Variants in PI4K2B observed in about 807,000 individuals in gnomAD.
PI4K2B encodes phosphatidylinositol 4-kinase type 2-beta.
A neutral mutation model predicts 56.6 loss-of-function variants in PI4K2B; 46 were observed. The ratio of observed to expected loss-of-function variants is 0.81; its 90% CI spans 0.64 to 1.04. PI4K2B has a LOEUF of 1.04. Ranked by LOEUF, PI4K2B falls within the 50% of genes least tolerant of loss-of-function variation. PI4K2B has a pLI of 0.00. For missense variants in PI4K2B, 556 were observed against 607.7 expected, an observed-to-expected ratio of 0.91 and a Z score of 0.89; for synonymous variants, 211 against 223.8, an observed-to-expected ratio of 0.94 and a Z score of 0.51.
chr4:25,259,869 G>A (rs547497802), intron 5 of PI4K2B, among the ~76,000 whole-genome samples: 2 of 152,264 alleles, frequency 1.3e-5, no homozygotes, highest in Non-Finnish European at 2.9e-5. Flanking sequence ...GTGGGTCCCT[G>A]GACTGTCAGG....
At chr4:25,247,041 G>T (rs12501759) in intron 1 of PI4K2B, among the ~76,000 whole-genome samples, 1 of 152,104 alleles carries the variant, frequency 6.6e-6, no homozygotes, top group Non-Finnish European at 1.5e-5. Flanking sequence ...TTTGGCCTTC[G>T]CCAGCCCAGA....
intron 1 of PI4K2B, among the ~76,000 whole-genome samples, chr4:25,238,655 C>T (rs527882544): frequency 6.6e-6 from 1 of 152,106 alleles, no homozygotes; most frequent in African/African-American, 2.4e-5. Flanking sequence ...TAAGCTGGCG[C>T]GTCTGGAGTT....
At chr4:25,275,475 G>T (rs975826695) in intron 9 of PI4K2B, among the ~76,000 whole-genome samples, 23 of 152,008 alleles carry the variant, frequency 1.5e-4, no homozygotes, top group African/African-American at 4.6e-4. Flanking sequence ...ACCAGTCTGG[G>T]CAACAAAGCG....
At chr4:25,254,295 C>T (rs1275401394) in intron 2 of PI4K2B, 5 of 335,792 alleles carry the variant, frequency 1.5e-5, no homozygotes, top group Non-Finnish European at 2.1e-5. Flanking sequence ...TTAGAATGTA[C>T]ATTAATGTGG....
chr4:25,261,746 A>G (rs200102123), intron 6 of PI4K2B, among the ~76,000 whole-genome samples: 1 of 144,118 alleles, frequency 6.9e-6, no homozygotes, highest in South Asian at 2.2e-4. Flanking sequence ...TTTATATTTA[A>G]AAATTAGAAA....
chr4:25,250,065 G>A (rs1449608043), intron 1 of PI4K2B, among the ~76,000 whole-genome samples: 3 of 152,166 alleles, frequency 2.0e-5, no homozygotes, highest in Non-Finnish European at 4.4e-5. Flanking sequence ...CAAAAAATAC[G>A]AAAACCAGTC....
chr4:25,270,868 AT>A (rs1265022572), intron 9 of PI4K2B, among the ~76,000 whole-genome samples: 4 of 152,246 alleles, frequency 2.6e-5, no homozygotes, highest in African/African-American at 9.6e-5. Context: ...TCTTCCTAAA[AT>A]ATACATTTAA....
chr4:25,239,842 C>A (rs1198167285), intron 1 of PI4K2B, among the ~76,000 whole-genome samples: 2 of 152,226 alleles, frequency 1.3e-5, no homozygotes, highest in Non-Finnish European at 2.9e-5. Context: ...GGGAATTTGG[C>A]CAATGACTGC....
Position 25,255,195 on chromosome 4 carries a change from G to T in PI4K2B, c.554G>T (p.Gly185Val). 6.2e-7 allele frequency: 1 copy of T among 1,613,998 alleles called. No homozygotes were observed. The highest frequency in any genetic ancestry group is 8.5e-7 in the Non-Finnish European group (1 of 1,179,928). ...CGAGGCTGCCTGATTCCTAATCAGG[G>T]GTACCTTTCCGAAGCGGGTGCCTAT... Reference protein sequence around the residue: ...FGRGCLIPNQGYLSEAGAYLV... With the variant: ...FGRGCLIPNQVYLSEAGAYLV... The change falls in exon 3 of 10, where the codon GGG becomes GTG. Residue 185 changes from glycine to valine, a missense_variant. Gly to Val is a moderately radical substitution (Grantham distance 109). Transcript: ENST00000264864.
chr4:25,268,547 T>A lies in PI4K2B; in HGVS notation c.1183T>A (p.Leu395Ile), dbSNP rs750236546. The A allele has an allele frequency of 1.0e-5, 16 of 1,588,226 alleles. No homozygotes were observed. The South Asian group carries it at 1.7e-4, about 17-fold the overall frequency. The change falls in exon 8 of 10, where the codon TTA becomes ATA. Residue 395 changes from leucine to isoleucine, a missense_variant. Leu to Ile is a conservative substitution (Grantham distance 5). Coordinates refer to ENST00000264864, the MANE Select transcript of PI4K2B (RefSeq NM_018323.4). Reference protein sequence around the residue: ...YISDMNFVQDLCEDLYELFKT... With the variant: ...YISDMNFVQDICEDLYELFKT... ...TTCTGACATGAACTTTGTGCAAGAT[T>A]TATGTGAAGATCTCTATGAACTTTT...
intron 1 of PI4K2B, chr4:25,250,623 T>C (rs1716012356): frequency 6.6e-6 from 1 of 152,246 alleles, no homozygotes; most frequent in Non-Finnish European, 1.5e-5. Context: ...TGAAATAATC[T>C]GTACAACAAA....
intron 9 of PI4K2B, 57 bp from the exon 10 acceptor site, chr4:25,276,957 A>G: frequency 6.8e-7 from 1 of 1,467,622 alleles, no homozygotes; most frequent in Non-Finnish European, 9.1e-7. Flanking sequence ...AAAAAATGTC[A>G]GTGAAGTGAA....
chr4:25,268,668 T>A, intron 8 of PI4K2B, 92 bp downstream of exon 8: 1 of 826,790 alleles, frequency 1.2e-6, no homozygotes, highest in Non-Finnish European at 1.8e-6. Context: ...TTTCTATTTC[T>A]TGTATTGCTG....
At chr4:25,274,086 G>A (rs1202170367) in intron 9 of PI4K2B, among the ~76,000 whole-genome samples, 3 of 152,084 alleles carry the variant, frequency 2.0e-5, no homozygotes, top group Non-Finnish European at 4.4e-5. Context: ...GAATATGCTG[G>A]TGTCACATTT....
At chr4:25,244,148 A>T (rs928102295) in intron 1 of PI4K2B, among the ~76,000 whole-genome samples, 6 of 152,182 alleles carry the variant, frequency 3.9e-5, no homozygotes, top group Non-Finnish European at 8.8e-5. Context: ...ATCTGCTTTA[A>T]ATCAGAGAGG....
chr4:25,273,134 T>G (rs938870018), intron 9 of PI4K2B, among the ~76,000 whole-genome samples: 7 of 152,136 alleles, frequency 4.6e-5, no homozygotes, highest in African/African-American at 1.4e-4. Flanking sequence ...ATGAAAGTTT[T>G]TTTTTTTTAA....
chr4:25,268,009 C>A, intron 7 of PI4K2B: 1 of 246,520 alleles, frequency 4.1e-6, no homozygotes, highest in Non-Finnish European at 6.5e-6. Context: ...TCCCTTGAGT[C>A]CAGAAGTTCA....
intron 9 of PI4K2B, among the ~76,000 whole-genome samples, chr4:25,275,533 G>A (rs1386543465): frequency 6.6e-6 from 1 of 152,054 alleles, no homozygotes; most frequent in Non-Finnish European, 1.5e-5. Context: ...GGTGGCGTGT[G>A]CCTCTAGGCC....
In PI4K2B at chr4:25,252,339, A is replaced by G; in HGVS notation, c.287A>G (p.Glu96Gly). The change falls in exon 2 of 10, where the codon GAG becomes GGG. Residue 96 changes from glutamate (E) to glycine (G), a missense_variant. Physicochemically the swap from Glu to Gly is moderately conservative, Grantham distance 98 (BLOSUM62 -2). Coordinates refer to ENST00000264864, the MANE Select transcript of PI4K2B (RefSeq NM_018323.4). The part of the protein sequence containing the change: ...PAVSVTIGTS[E>G]MNAFLDDPEF... ...AATGCAGTAACTATTGGTACTTCAG[A>G]GATGAATGCATTCTTGGATGACCCA... 6.2e-7 allele frequency: 1 copy of G among 1,610,464 alleles called. No individual in the cohort carries two copies. Among genetic ancestry groups the G allele is most frequent in the African/African-American group, 1.3e-5 (1 of 74,998 alleles).
Sources: allele counts gnomAD v4.1 joint callset (sites outside exome capture counted in the v4.1 genomes callset), GRCh38; gene constraint gnomAD v4.1.1; transcripts MANE v1.5; gene names NCBI Gene and HGNC (gene_info 2026-07-23, HGNC 2026-07-21).